The following PATJ variants were observed in gnomAD, a reference collection of about 807,000 sequenced individuals.
PATJ encodes the protein PATJ crumbs cell polarity complex component.
A neutral mutation model predicts 224.9 loss-of-function variants in PATJ; 190 were observed. The observed-to-expected ratio is 0.84, with a 90% CI of 0.75 to 0.95. PATJ has a LOEUF of 0.95. Among genes scored for constraint, PATJ ranks in the 40% least tolerant of loss-of-function variants. The pLI is 0.00. For missense variants in PATJ, 2,121 were observed against 2,270.3 expected, an observed-to-expected ratio of 0.93 and a Z score of 1.34; for synonymous variants, 769 against 820.3, an observed-to-expected ratio of 0.94 and a Z score of 1.07.
intron 4 of PATJ, among the ~76,000 whole-genome samples, chr1:61,766,706 T>TA (rs930777449): frequency 5.3e-5 from 8 of 152,096 alleles, no homozygotes; most frequent in African/African-American, 1.4e-4. Flanking sequence ...GAGAGCTTTT[T>TA]AAAAAAAAAT....
chr1:61,977,575 G>A (rs1033094684), intron 27 of PATJ, among the ~76,000 whole-genome samples: 13 of 151,924 alleles, frequency 8.6e-5, no homozygotes, highest in African/African-American at 1.2e-4. Flanking sequence ...TTTTGTAGAC[G>A]CGTCCTAGAG....
intron 27 of PATJ, among the ~76,000 whole-genome samples, chr1:61,948,320 A>C (rs1305170791): frequency 1.3e-5 from 2 of 152,252 alleles, no homozygotes; most frequent in Non-Finnish European, 2.9e-5. Context: ...TCCATCTGAC[A>C]AAGGGCTAAT....
At chr1:62,115,729 T>C (rs1173493141) in intron 35 of PATJ, among the ~76,000 whole-genome samples, 5 of 151,258 alleles carry the variant, frequency 3.3e-5, no homozygotes, top group Non-Finnish European at 7.4e-5. Flanking sequence ...GTTGCTTTTA[T>C]GCATGTTATG....
chr1:61,796,874 C>T (rs377076701), intron 10 of PATJ, among the ~76,000 whole-genome samples: 2 of 148,506 alleles, frequency 1.3e-5, no homozygotes, highest in South Asian at 4.2e-4. Context: ...CTTTCCTTCC[C>T]TCCTTCTATC....
At chr1:62,063,634 A>G (rs1439197438) in intron 31 of PATJ, among the ~76,000 whole-genome samples, 1 of 152,298 alleles carries the variant, frequency 6.6e-6, no homozygotes, top group African/African-American at 2.4e-5. Context: ...CATCCAGTCC[A>G]TGAGCATAGA....
intron 1 of PATJ, 53 bp from the exon 2 acceptor site, chr1:61,762,805 G>A (rs753780066): frequency 1.3e-6 from 1 of 758,690 alleles, no homozygotes; most frequent in Non-Finnish European, 2.2e-6. Flanking sequence ...CTACAGGATT[G>A]TAGCCATATA....
intron 33 of PATJ, among the ~76,000 whole-genome samples, chr1:62,090,715 T>C (rs1218570710): frequency 6.6e-6 from 1 of 152,204 alleles, no homozygotes. Flanking sequence ...TGTTGGAGTG[T>C]TGAATTTGCA....
rs1348970467 is a variant in PATJ at position 61,864,372 on chromosome 1, T to G, written c.2574T>G (p.Thr858=). ...KEAWEMHEFL[T]PRLQEMDEER... ...CCTGGGAGATGCATGAATTTCTGACTCCTAGATTGCAGGAAATGGATGAAG... is the reference window on the plus strand; with the variant it reads ...CCTGGGAGATGCATGAATTTCTGACGCCTAGATTGCAGGAAATGGATGAAG... The change falls in exon 20 of 44, where the codon ACT becomes ACG. Residue 858 remains threonine (T), a synonymous_variant. Transcript: ENST00000642238. 3.7e-6 allele frequency: 6 copies of G among 1,614,004 alleles called. No individual in the cohort carries two copies. Among genetic ancestry groups the G allele is most frequent in the Non-Finnish European group, 4.2e-6 (5 of 1,179,950 alleles).
intron 32 of PATJ, among the ~76,000 whole-genome samples, chr1:62,084,314 G>C (rs1659668787): frequency 6.6e-6 from 1 of 152,056 alleles, no homozygotes; most frequent in African/African-American, 2.4e-5. Context: ...GGGTTGAGGG[G>C]TGGGAGTTAT....
At chr1:61,870,233 A>C (rs934223313) in intron 20 of PATJ, among the ~76,000 whole-genome samples, 1 of 152,112 alleles carries the variant, frequency 6.6e-6, no homozygotes, top group African/African-American at 2.4e-5. Context: ...GCTGCAAAGG[A>C]GATGGGGAGG....
intron 28 of PATJ, among the ~76,000 whole-genome samples, chr1:62,000,985 A>G (rs1285920529): frequency 6.6e-6 from 1 of 151,854 alleles, no homozygotes; most frequent in Admixed American, 6.6e-5. Context: ...TGTTGGCTGC[A>G]TAAATGTCTT....
intron 27 of PATJ, among the ~76,000 whole-genome samples, chr1:61,937,316 T>C (rs1028652829): frequency 6.6e-6 from 1 of 152,178 alleles, no homozygotes; most frequent in Non-Finnish European, 1.5e-5. Context: ...CACTGCAACC[T>C]TGACCTCCTG....
At chr1:61,788,351 A>G (rs1649045109) in intron 8 of PATJ, among the ~76,000 whole-genome samples, 1 of 151,984 alleles carries the variant, frequency 6.6e-6, no homozygotes, top group South Asian at 2.1e-4. Flanking sequence ...TATCAATAAT[A>G]TTTATTATAC....
At chr1:61,754,100 T>C (rs1299863971) in intron 1 of PATJ, among the ~76,000 whole-genome samples, 3 of 152,118 alleles carry the variant, frequency 2.0e-5, no homozygotes, top group African/African-American at 4.8e-5. Flanking sequence ...AAGTTCTCAT[T>C]CTCTGGAGGC....
intron 27 of PATJ, among the ~76,000 whole-genome samples, chr1:61,969,077 C>T (rs367998702): frequency 4.6e-5 from 7 of 152,098 alleles, no homozygotes; most frequent in South Asian, 2.1e-4. Context: ...TTGAAGGCTG[C>T]GTAGTATTCC....
intron 27 of PATJ, among the ~76,000 whole-genome samples, chr1:61,988,126 G>T (rs1644866872): frequency 6.6e-6 from 1 of 152,166 alleles, no homozygotes; most frequent in Non-Finnish European, 1.5e-5. Context: ...TTGAACCTGG[G>T]AGGTGGAGGT....
chr1:62,037,561 C>G (rs1650668661), intron 29 of PATJ, among the ~76,000 whole-genome samples: 1 of 152,206 alleles, frequency 6.6e-6, no homozygotes, highest in Admixed American at 6.5e-5. Flanking sequence ...AGTGAGGAGG[C>G]TGGGATCCTT....
At chr1:62,158,420 G>A (rs970976142) in intron 43 of PATJ, among the ~76,000 whole-genome samples, 1 of 147,260 alleles carries the variant, frequency 6.8e-6, no homozygotes, top group East Asian at 2.0e-4. Flanking sequence ...ATCACCTGAG[G>A]TCAAGAGTTC....
intron 1 of PATJ, among the ~76,000 whole-genome samples, chr1:61,746,532 T>C (rs926081513): frequency 6.6e-6 from 1 of 152,180 alleles, no homozygotes; most frequent in Non-Finnish European, 1.5e-5. Flanking sequence ...CCCAACAGTA[T>C]AATAAAAGAC....
Sources: allele counts gnomAD v4.1 joint callset (sites outside exome capture counted in the v4.1 genomes callset), GRCh38; gene constraint gnomAD v4.1.1; transcripts MANE v1.5; gene names NCBI Gene and HGNC (gene_info 2026-07-23, HGNC 2026-07-21).